DYNC1I1: variants seen among roughly 807,000 people sequenced by gnomAD.
DYNC1I1 encodes dynein cytoplasmic 1 intermediate chain 1.
DYNC1I1 carries 43 observed loss-of-function variants against 86.6 expected under a neutral mutation model. That is an observed-to-expected ratio of 0.50 (90% CI 0.39 to 0.64). The LOEUF is 0.64. Ranked by LOEUF, DYNC1I1 falls within the 30% of genes least tolerant of loss-of-function variation. DYNC1I1 has a pLI of 0.00. For synonymous variants in DYNC1I1, 262 were observed against 283.7 expected, an observed-to-expected ratio of 0.92 and a Z score of 0.77; for missense variants, 604 against 788.8, an observed-to-expected ratio of 0.77 and a Z score of 2.81.
At chr7:96,047,298 G>A (rs1011956138) in intron 14 of DYNC1I1, among the ~76,000 whole-genome samples, 4 of 152,148 alleles carry the variant, frequency 2.6e-5, no homozygotes, top group African/African-American at 7.2e-5. Flanking sequence ...TCAATTGACA[G>A]CGTAATACTG....
At chr7:95,875,567 T>C (rs1304792603) in intron 6 of DYNC1I1, among the ~76,000 whole-genome samples, 1 of 152,202 alleles carries the variant, frequency 6.6e-6, no homozygotes, top group Admixed American at 6.5e-5. Context: ...CCCTCTCATC[T>C]GCATCTCTCT....
chr7:95,994,589 C>T (rs181809481), intron 9 of DYNC1I1, among the ~76,000 whole-genome samples: 1 of 152,078 alleles, frequency 6.6e-6, no homozygotes, highest in Non-Finnish European at 1.5e-5. Flanking sequence ...GAGGCTGGGT[C>T]ATAGGCTGTG....
Position 95,995,998 on chromosome 7 carries a change from T to G in DYNC1I1, c.894T>G (p.His298Gln). The G allele has an allele frequency of 6.2e-7, 1 of 1,613,144 alleles. No individual in the cohort carries two copies. Among genetic ancestry groups the G allele is most frequent in the Non-Finnish European group, 8.5e-7 (1 of 1,179,650 alleles). Residue 298 changes from histidine (H) to glutamine (Q), a missense_variant, in exon 10 of 17, where the codon CAT becomes CAG. Transcript: ENST00000447467. ...ASYNNNEDAPHEPDGVALVWN... is the reference protein window; with the variant it reads ...ASYNNNEDAPQEPDGVALVWN... ...ACAACAACAATGAAGATGCTCCCCA[T>G]GAACCAGATGGAGTGGCCTTGGTTT...
chr7:95,828,230 A>T, intron 5 of DYNC1I1, 114 bp downstream of exon 5: 1 of 1,195,242 alleles, frequency 8.4e-7, no homozygotes, highest in Non-Finnish European at 1.2e-6. Flanking sequence ...TTCCAGTTTG[A>T]TAAGTTCGTT....
chr7:95,823,769 A>G (rs1007560922), intron 4 of DYNC1I1, among the ~76,000 whole-genome samples: 4 of 151,748 alleles, frequency 2.6e-5, no homozygotes, highest in African/African-American at 9.7e-5. Flanking sequence ...TGTTCTCACA[A>G]CAAATTGTTA....
chr7:95,967,565 C>G (rs1051519894), intron 6 of DYNC1I1, among the ~76,000 whole-genome samples: 2 of 152,190 alleles, frequency 1.3e-5, no homozygotes, highest in African/African-American at 4.8e-5. Context: ...ACCTCCCTTG[C>G]TCTCTGTGTA....
chr7:95,894,602 A>G (rs1030819917), intron 6 of DYNC1I1, among the ~76,000 whole-genome samples: 1 of 152,222 alleles, frequency 6.6e-6, no homozygotes, highest in Non-Finnish European at 1.5e-5. Context: ...AAAAGTAATC[A>G]CAGTTTAAAT....
At chr7:96,000,133 G>C (rs1793973909) in intron 10 of DYNC1I1, among the ~76,000 whole-genome samples, 1 of 152,010 alleles carries the variant, frequency 6.6e-6, no homozygotes. Flanking sequence ...GGTTATTACA[G>C]GTCAAAAAAG....
chr7:95,795,477 G>A (rs1056850611), intron 1 of DYNC1I1, among the ~76,000 whole-genome samples: 6 of 152,166 alleles, frequency 3.9e-5, no homozygotes, highest in African/African-American at 1.2e-4. Flanking sequence ...CAAAGACAGC[G>A]ACTCAACCTA....
At chr7:95,924,458 A>G (rs78807596) in intron 6 of DYNC1I1, among the ~76,000 whole-genome samples, 67 of 152,276 alleles carry the variant, frequency 4.4e-4, no homozygotes, top group African/African-American at 1.4e-3. Flanking sequence ...TTATTAGAGT[A>G]TATTATTAAG....
chr7:95,794,886 G>A lies in DYNC1I1; in HGVS notation c.-9-9835G>A, dbSNP rs142987255. On this transcript the variant is annotated intron_variant, in intron 1 of 16. Transcript: ENST00000447467. The stretch of plus-strand genomic sequence containing the variant: ...ATTTACCCAATATGAATAAAATTGA[G>A]AGGAACCTAGAAAAATCAACATAAT... Among the ~76,000 whole-genome samples, 728 of 152,304 alleles carry A rather than the reference G, an allele frequency of 4.8e-3. 6 individuals carry two copies. Among genetic ancestry groups the A allele is most frequent in the African/African-American group, 0.017 (699 of 41,572 alleles).
chr7:96,088,750 C>T (rs772221301), intron 16 of DYNC1I1, among the ~76,000 whole-genome samples: 1 of 152,044 alleles, frequency 6.6e-6, no homozygotes, highest in Non-Finnish European at 1.5e-5. Flanking sequence ...TCTGCTTATT[C>T]ATGTTTCCTG....
Position 96,080,975 on chromosome 7 carries a change from C to T in DYNC1I1, c.1776+487C>T, listed in dbSNP as rs373867645. On this transcript the variant is annotated intron_variant, in intron 16 of 16. Coordinates refer to ENST00000447467, the MANE Select transcript of DYNC1I1 (RefSeq NM_001135556.2). ...ATCCCAGCTACTCAGGAGGCTGAGG[C>T]AGGAGAACCACTTGAATCTGGGAGG... Among the ~76,000 whole-genome samples, 68 of 150,902 alleles carry T rather than the reference C, an allele frequency of 4.5e-4. No individual in the cohort carries two copies. The East Asian group carries it at 0.013, about 28-fold the overall frequency.
intron 4 of DYNC1I1, among the ~76,000 whole-genome samples, chr7:95,814,708 T>C (rs1220527784): frequency 6.6e-6 from 1 of 152,148 alleles, no homozygotes; most frequent in Non-Finnish European, 1.5e-5. Context: ...TGTTACCTAT[T>C]TCTGCCTGTT....
Position 95,949,549 on chromosome 7 carries a change from AATT to A in DYNC1I1, c.491-27962_491-27960del, listed in dbSNP as rs775943144. On this transcript the variant is annotated intron_variant, in intron 6 of 16. Coordinates refer to ENST00000447467, the MANE Select transcript of DYNC1I1 (RefSeq NM_001135556.2). ...TGAAGAATTGCTTTCCTGCAAGAAA[AATT>A]CTTGAAATTGTTGGAAAAAGAAAAA... 2.2e-3 allele frequency among the ~76,000 whole-genome samples: 336 copies of A among 152,328 alleles called. 2 individuals are homozygous for A. Among genetic ancestry groups the A allele is most frequent in the Non-Finnish European group, 3.2e-3 (215 of 68,024 alleles).
chr7:95,841,806 C>T (rs1288512634), intron 5 of DYNC1I1, among the ~76,000 whole-genome samples: 1 of 152,136 alleles, frequency 6.6e-6, no homozygotes, highest in Non-Finnish European at 1.5e-5. Flanking sequence ...AAAGTCAGGG[C>T]TTTTGATGTG....
chr7:96,032,539 C>G (rs1794837795), intron 11 of DYNC1I1, 128 bp from the exon 12 acceptor site: 1 of 686,746 alleles, frequency 1.5e-6, no homozygotes, highest in Non-Finnish European at 2.4e-6. Context: ...GGCAAATGAC[C>G]TGACGCTTGT....
intron 6 of DYNC1I1, among the ~76,000 whole-genome samples, chr7:95,876,842 A>G (rs933879698): frequency 2.6e-5 from 4 of 152,238 alleles, no homozygotes; most frequent in Admixed American, 2.0e-4. Context: ...GAGATGGTCC[A>G]TGAATCTACT....
At chr7:95,792,525 C>A (rs1350685885) in intron 1 of DYNC1I1, among the ~76,000 whole-genome samples, 1 of 152,160 alleles carries the variant, frequency 6.6e-6, no homozygotes, top group Non-Finnish European at 1.5e-5. Flanking sequence ...TTAGATAATA[C>A]TTGTTTTGGC....
Sources: gnomAD v4.1 joint callset for allele counts (sites outside exome capture counted in the v4.1 genomes callset) on GRCh38, gnomAD v4.1.1 for gene constraint, MANE v1.5 for transcripts, NCBI Gene and HGNC (gene_info 2026-07-23, HGNC 2026-07-21) for gene names.